The following PAK1 variants were observed in gnomAD, a reference collection of about 807,000 sequenced individuals.
PAK1 encodes the protein serine/threonine-protein kinase PAK 1.
A neutral mutation model predicts 67.4 loss-of-function variants in PAK1; 29 were observed. The observed-to-expected ratio is 0.43, with a 90% CI of 0.32 to 0.59. The LOEUF (loss-of-function observed/expected upper bound fraction) is 0.59. PAK1 is among the 20% of genes least tolerant of loss of function. The probability of loss-of-function intolerance (pLI) is 0.07; values close to 1 mark genes in which losing one functional copy is unlikely to be tolerated. For synonymous variants in PAK1, 223 were observed against 237.4 expected, an observed-to-expected ratio of 0.94 and a Z score of 0.56; for missense variants, 337 against 670.7, an observed-to-expected ratio of 0.50 and a Z score of 5.50.
the PAK1 span, among the ~76,000 whole-genome samples, chr11:77,499,659 C>G: frequency 2.0e-5 from 3 of 152,044 alleles, no homozygotes; most frequent in Admixed American, 1.3e-4. Context: ...TTCGTTATAC[C>G]TTTATTACAC....
chr11:77,352,409 C>A (rs146541617), intron 8 of PAK1, among the ~76,000 whole-genome samples: 1 of 152,156 alleles, frequency 6.6e-6, no homozygotes, highest in Non-Finnish European at 1.5e-5. Flanking sequence ...TTTCAGTCAA[C>A]GATGGACCGC....
chr11:77,396,962 T>C (rs1002409867), intron 1 of PAK1: 13 of 152,230 alleles, frequency 8.5e-5, no homozygotes, highest in African/African-American at 3.1e-4. Flanking sequence ...TTAAACTTTG[T>C]TTACAGGAAA....
At chr11:77,427,063 C>T (rs7944289) in intron 1 of PAK1, among the ~76,000 whole-genome samples, 21,635 of 152,044 alleles carry the variant, frequency 0.14, 3,402 homozygotes, top group African/African-American at 0.38. Flanking sequence ...TTTCTCTTCC[C>T]CTCTAGAAAC....
chr11:77,378,054 G>A (rs1381366414), intron 4 of PAK1, among the ~76,000 whole-genome samples: 1 of 152,210 alleles, frequency 6.6e-6, no homozygotes, highest in Non-Finnish European at 1.5e-5. Flanking sequence ...CCAGATACTG[G>A]CTGGGGAAAG....
chr11:77,385,704 A>G (rs1180861661), intron 2 of PAK1, among the ~76,000 whole-genome samples: 1 of 152,164 alleles, frequency 6.6e-6, no homozygotes, highest in Non-Finnish European at 1.5e-5. Context: ...AAAAAATACA[A>G]AAATTAGCCA....
the PAK1 span, among the ~76,000 whole-genome samples, chr11:77,489,423 T>C: frequency 7.0e-6 from 1 of 143,084 alleles, no homozygotes. Context: ...CTCTCCTCTC[T>C]CTCTCCCCTC....
At position 77,434,334 on chromosome 11, in the gene PAK1, C is replaced by A. The variant is rs757603493; in HGVS notation, c.-22+39218G>T. Among the ~76,000 whole-genome samples the A allele has an allele frequency of 1.7e-3, 260 of 151,980 alleles. 7 individuals carry two copies. Among genetic ancestry groups the A allele is most frequent in the Non-Finnish European group, 5.3e-4 (36 of 68,010 alleles). ...TTACATAGATAAACAGAATTCCATA[C>A]AATAGAATATTTTTCAGCAAAAAAA... On this transcript the variant is annotated intron_variant, in intron 1 of 14. Coordinates refer to ENST00000356341, the MANE Select transcript of PAK1 (RefSeq NM_002576.5).
intron 2 of PAK1, among the ~76,000 whole-genome samples, chr11:77,390,267 T>C (rs554336717): frequency 1.3e-5 from 2 of 152,186 alleles, no homozygotes; most frequent in South Asian, 2.1e-4. Flanking sequence ...TGGCGCAACC[T>C]TGGCTCACTG....
At chr11:77,421,237 G>A (rs1238926949) in intron 1 of PAK1, among the ~76,000 whole-genome samples, 1 of 152,180 alleles carries the variant, frequency 6.6e-6, no homozygotes, top group Non-Finnish European at 1.5e-5. Context: ...TTCTCCGACA[G>A]GCTATATACA....
At chr11:77,449,209 C>T (rs1956747358) in intron 1 of PAK1, among the ~76,000 whole-genome samples, 1 of 152,190 alleles carries the variant, frequency 6.6e-6, no homozygotes, top group Admixed American at 6.5e-5. Flanking sequence ...GGTGCTTCCA[C>T]CACTTCCTGA....
At chr11:77,403,126 A>G (rs1217796524) in intron 1 of PAK1, among the ~76,000 whole-genome samples, 1 of 152,222 alleles carries the variant, frequency 6.6e-6, no homozygotes, top group Non-Finnish European at 1.5e-5. Flanking sequence ...CTATCAGTGT[A>G]GTCCTTAATT....
the PAK1 span, among the ~76,000 whole-genome samples, chr11:77,502,514 C>A: frequency 6.6e-6 from 1 of 152,212 alleles, no homozygotes; most frequent in African/African-American, 2.4e-5. Context: ...AGAGGAACTT[C>A]TTATTTTACC....
At chr11:77,513,047 G>A in the PAK1 span, among the ~76,000 whole-genome samples, 3 of 152,264 alleles carry the variant, frequency 2.0e-5, no homozygotes, top group East Asian at 1.9e-4. Flanking sequence ...CTATGATGGC[G>A]CCACTGCACT....
intron 8 of PAK1, among the ~76,000 whole-genome samples, chr11:77,350,757 T>C (rs1945128922): frequency 6.6e-6 from 1 of 152,196 alleles, no homozygotes; most frequent in South Asian, 2.1e-4. Flanking sequence ...GGACCCTAGC[T>C]ACATGCCTAG....
intron 13 of PAK1, among the ~76,000 whole-genome samples, chr11:77,333,333 G>C (rs986444109): frequency 5.9e-5 from 9 of 151,832 alleles, no homozygotes; most frequent in Admixed American, 1.3e-4. Flanking sequence ...AAGTAGCTGG[G>C]ATTACAGGCA....
At chr11:77,423,396 T>C (rs1955381003) in intron 1 of PAK1, among the ~76,000 whole-genome samples, 1 of 124,652 alleles carries the variant, frequency 8.0e-6, no homozygotes, top group Admixed American at 8.1e-5. Flanking sequence ...TCAAGTTGCT[T>C]TCAAATACAC....
intron 1 of PAK1, among the ~76,000 whole-genome samples, chr11:77,446,134 AAT>A (rs1186772764): frequency 5.9e-5 from 9 of 152,180 alleles, no homozygotes; most frequent in Admixed American, 3.9e-4. Flanking sequence ...GCAGATAATA[AAT>A]ATAATATTTG....
intron 1 of PAK1, among the ~76,000 whole-genome samples, chr11:77,399,236 G>T (rs1191426923): frequency 6.6e-6 from 1 of 152,194 alleles, no homozygotes; most frequent in Non-Finnish European, 1.5e-5. Context: ...TCACCATCTA[G>T]TTAGCAGAAG....
At chr11:77,471,444 T>A (rs556962704) in intron 1 of PAK1, among the ~76,000 whole-genome samples, 55 of 152,228 alleles carry the variant, frequency 3.6e-4, no homozygotes, top group African/African-American at 1.3e-3. Flanking sequence ...AAAAGTGGTA[T>A]GTACATGAGC....
Sources: allele counts gnomAD v4.1 joint callset (sites outside exome capture counted in the v4.1 genomes callset), GRCh38; gene constraint gnomAD v4.1.1; transcripts MANE v1.5; gene names NCBI Gene and HGNC (gene_info 2026-07-23, HGNC 2026-07-21).